The following MBTD1 variants were observed in gnomAD, a reference collection of about 807,000 sequenced individuals.
The protein encoded by MBTD1 is MBT domain-containing protein 1.
MBTD1 carries 24 observed loss-of-function variants against 87.8 expected under a neutral mutation model. The observed-to-expected ratio is 0.27, with a 90% CI of 0.20 to 0.38. The LOEUF (loss-of-function observed/expected upper bound fraction) is 0.38. Among genes scored for constraint, MBTD1 ranks in the 10% least tolerant of loss-of-function variants. The probability of loss-of-function intolerance (pLI) is 1.00; values close to 1 mark genes in which losing one functional copy is unlikely to be tolerated. For missense variants in MBTD1, 436 were observed against 760.2 expected, an observed-to-expected ratio of 0.57 and a Z score of 5.02; for synonymous variants, 237 against 248.6, an observed-to-expected ratio of 0.95 and a Z score of 0.44.
chr17:51,237,908 G>A (rs2053943094), intron 2 of MBTD1, among the ~76,000 whole-genome samples: 1 of 152,192 alleles, frequency 6.6e-6, no homozygotes, highest in African/African-American at 2.4e-5. Context: ...TACACAAATT[G>A]TGGTACGTCC....
chr17:51,225,276 C>T, intron 2 of MBTD1, 67 bp from the exon 3 acceptor site: 1 of 730,018 alleles, frequency 1.4e-6, no homozygotes, highest in Non-Finnish European at 2.0e-6. Context: ...AAGACCCTAG[C>T]ACAAATTCTG....
intron 12 of MBTD1, among the ~76,000 whole-genome samples, chr17:51,200,492 C>G (rs2051398119): frequency 7.5e-6 from 1 of 133,968 alleles, no homozygotes; most frequent in South Asian, 2.3e-4. Context: ...TGCTTGAGCT[C>G]AAGGCTGTGG....
chr17:51,194,896 GA>G (rs1568157318), intron 13 of MBTD1, among the ~76,000 whole-genome samples: 1 of 151,500 alleles, frequency 6.6e-6, no homozygotes, highest in East Asian at 1.9e-4. Context: ...TCTTTATTGG[GA>G]AAAAAAGAAA....
intron 2 of MBTD1, among the ~76,000 whole-genome samples, chr17:51,231,384 A>G (rs1308053253): frequency 1.3e-5 from 2 of 152,222 alleles, no homozygotes; most frequent in African/African-American, 4.8e-5. Context: ...TAGCCTTAAA[A>G]TTTCAGGAGG....
chr17:51,200,673 A>G (rs2051425275), intron 12 of MBTD1, among the ~76,000 whole-genome samples: 2 of 151,394 alleles, frequency 1.3e-5, no homozygotes, highest in South Asian at 4.2e-4. Context: ...AGACCAGCCC[A>G]GGCAACATGG....
chr17:51,260,759 G>A (rs369888880), upstream of MBTD1: 503 of 1,581,424 alleles, frequency 3.2e-4, no homozygotes, highest in Non-Finnish European at 3.8e-4. Context: ...CGCGGCGGCC[G>A]CTGCGATTGC....
chr17:51,189,240 C>A (rs1244824273), intron 16 of MBTD1, among the ~76,000 whole-genome samples: 1 of 152,058 alleles, frequency 6.6e-6, no homozygotes, highest in Non-Finnish European at 1.5e-5. Flanking sequence ...CTTCTAAAAT[C>A]CAAAAAATTC....
chr17:51,208,285 T>C (rs1417521639), intron 6 of MBTD1, among the ~76,000 whole-genome samples: 1 of 152,248 alleles, frequency 6.6e-6, no homozygotes, highest in Non-Finnish European at 1.5e-5. Context: ...AGCAATGAGT[T>C]TACCTCAGTA....
intron 7 of MBTD1, among the ~76,000 whole-genome samples, chr17:51,206,078 A>T (rs2051813318): frequency 6.6e-6 from 1 of 152,192 alleles, no homozygotes; most frequent in Non-Finnish European, 1.5e-5. Flanking sequence ...GCTGGAAAAA[A>T]TACAAGTCTT....
intron 6 of MBTD1, among the ~76,000 whole-genome samples, chr17:51,213,985 C>A (rs1332618455): frequency 1.3e-5 from 2 of 151,380 alleles, no homozygotes; most frequent in African/African-American, 2.4e-5. Flanking sequence ...CCCCTAGATA[C>A]AATAAAAGAC....
chr17:51,216,659 T>C (rs76789387), intron 6 of MBTD1, among the ~76,000 whole-genome samples: 6,973 of 152,306 alleles, frequency 0.046, 221 homozygotes, highest in Non-Finnish European at 0.066. Context: ...ATTGCAGATT[T>C]AAGTAACATA....
intron 2 of MBTD1, among the ~76,000 whole-genome samples, chr17:51,246,348 T>C (rs1164685601): frequency 6.6e-6 from 1 of 152,240 alleles, no homozygotes; most frequent in Non-Finnish European, 1.5e-5. Context: ...CCTATGTGGT[T>C]ATCTGTGGTG....
intron 7 of MBTD1, among the ~76,000 whole-genome samples, chr17:51,204,161 T>A (rs1345781143): frequency 6.6e-6 from 1 of 152,218 alleles, no homozygotes; most frequent in Non-Finnish European, 1.5e-5. Flanking sequence ...TGCTGGTCTA[T>A]GAACCAAACT....
chr17:51,192,415 G>A (rs1403797087), intron 15 of MBTD1, 135 bp from the exon 16 acceptor site: 14 of 679,832 alleles, frequency 2.1e-5, no homozygotes, highest in Non-Finnish European at 3.2e-5. Flanking sequence ...TGAAAATAAG[G>A]GTACTTGTTC....
rs187178631 is a variant in MBTD1 at position 51,223,081 on chromosome 17, G to C, written c.154+1927C>G. Among the ~76,000 whole-genome samples the C allele has an allele frequency of 9.4e-3, 1,425 of 152,014 alleles. 10 individuals are homozygous for C. Among genetic ancestry groups the C allele is most frequent in the Non-Finnish European group, 0.013 (907 of 67,982 alleles). On this transcript the variant is annotated intron_variant, in intron 3 of 16. Coordinates refer to ENST00000586178, the MANE Select transcript of MBTD1 (RefSeq NM_017643.3). ...GGCCTCCCAAAGTGCTGGGATTACA[G>C]GCATGAGCCACCGCACCTGGCCACG...
upstream of MBTD1, chr17:51,260,604 G>A (rs1160908050): frequency 1.1e-5 from 17 of 1,612,494 alleles, no homozygotes; most frequent in South Asian, 2.2e-5. Flanking sequence ...GAGCGGAGGA[G>A]ACGAATGAAA....
chr17:51,197,230 T>C (rs1171590032), intron 12 of MBTD1, among the ~76,000 whole-genome samples: 2 of 150,072 alleles, frequency 1.3e-5, no homozygotes, highest in Non-Finnish European at 3.0e-5. Context: ...GTCTCCCAAG[T>C]AGCTGGGATT....
intron 2 of MBTD1, among the ~76,000 whole-genome samples, chr17:51,238,487 A>T (rs781334136): frequency 6.6e-5 from 10 of 152,218 alleles, no homozygotes; most frequent in Non-Finnish European, 1.2e-4. Flanking sequence ...AAGCAATGAT[A>T]AAGGGATGTC....
At chr17:51,196,944 T>C (rs918525392) in intron 12 of MBTD1, among the ~76,000 whole-genome samples, 3 of 150,190 alleles carry the variant, frequency 2.0e-5, no homozygotes, top group Admixed American at 6.7e-5. Context: ...TATAGAGTAG[T>C]AGAATAAACT....
Sources: gnomAD v4.1 joint callset for allele counts (sites outside exome capture counted in the v4.1 genomes callset) on GRCh38, gnomAD v4.1.1 for gene constraint, MANE v1.5 for transcripts, NCBI Gene and HGNC (gene_info 2026-07-23, HGNC 2026-07-21) for gene names.